The following RAB31 variants were observed in gnomAD, a reference collection of about 807,000 sequenced individuals.
The protein encoded by RAB31 is ras-related protein Rab-31.
RAB31 carries 21 observed loss-of-function variants against 25.6 expected under a neutral mutation model. The observed-to-expected ratio is 0.82, with a 90% confidence interval of 0.58 to 1.18. The LOEUF (loss-of-function observed/expected upper bound fraction) is 1.18. RAB31 is among the 50% of genes most tolerant of loss of function. The pLI is 0.00. For synonymous variants in RAB31, 87 were observed against 84.0 expected (o/e 1.04, Z -0.20); for missense variants, 196 against 250.1 (o/e 0.78, Z 1.46).
intron 3 of RAB31, among the ~76,000 whole-genome samples, chr18:9,811,125 C>T (rs1389852699): frequency 4.6e-5 from 7 of 152,296 alleles, no homozygotes; most frequent in Non-Finnish European, 7.4e-5. Context: ...GTCGCTGTCC[C>T]CAAGTGCGTT....
intron 2 of RAB31, among the ~76,000 whole-genome samples, chr18:9,789,193 A>G (rs898499793): frequency 6.6e-6 from 1 of 152,290 alleles, no homozygotes; most frequent in East Asian, 1.9e-4. Flanking sequence ...AGCTCATAGA[A>G]GTAGAGTAGA....
intron 3 of RAB31, among the ~76,000 whole-genome samples, chr18:9,813,156 A>G (rs2068583341): frequency 6.6e-6 from 1 of 152,200 alleles, no homozygotes; most frequent in Non-Finnish European, 1.5e-5. Flanking sequence ...ACATTTTGGA[A>G]TGGAGCTCCT....
At chr18:9,744,117 A>T (rs746533422) in intron 1 of RAB31, among the ~76,000 whole-genome samples, 2 of 152,062 alleles carry the variant, frequency 1.3e-5, no homozygotes, top group South Asian at 4.1e-4. Flanking sequence ...TTTATTTTCC[A>T]TGTCATAGTA....
At chr18:9,785,630 A>T (rs1230624204) in intron 2 of RAB31, among the ~76,000 whole-genome samples, 1 of 152,176 alleles carries the variant, frequency 6.6e-6, no homozygotes, top group Non-Finnish European at 1.5e-5. Flanking sequence ...ATCGCAGGTC[A>T]TTCCAGAGAG....
chr18:9,738,320 T>C (rs1476423036), intron 1 of RAB31, among the ~76,000 whole-genome samples: 1 of 152,050 alleles, frequency 6.6e-6, no homozygotes, highest in Non-Finnish European at 1.5e-5. Context: ...CCCAGGTAGC[T>C]TTAGGATGGG....
At chr18:9,843,894 C>T (rs1568194504) in intron 5 of RAB31, among the ~76,000 whole-genome samples, 1 of 152,150 alleles carries the variant, frequency 6.6e-6, no homozygotes, top group Non-Finnish European at 1.5e-5. Flanking sequence ...TGGTTTGAGT[C>T]CCATAGGAAT....
chr18:9,820,916 C>T (rs1034643527), intron 5 of RAB31, among the ~76,000 whole-genome samples: 1 of 151,826 alleles, frequency 6.6e-6, no homozygotes, highest in Non-Finnish European at 1.5e-5. Context: ...TTATTTCCTT[C>T]CTCCTGTTTA....
In RAB31 at chr18:9,708,404, A is replaced by G. The variant is rs377490784; in HGVS notation, c.-2A>G. On this transcript the variant is annotated 5_prime_UTR_variant, in exon 1 of 7. Coordinates refer to ENST00000578921, the MANE Select transcript of RAB31 (RefSeq NM_006868.4). This position sits in a 1 kb window ranked among gnomAD's most constrained non-coding sequence, Gnocchi z 6.4. ...GCCCCGGCACTGCCTGGCTGCGAGCACATGATGGCGATACGGGAGCTCAAA... is the reference window on the plus strand; with the variant it reads ...GCCCCGGCACTGCCTGGCTGCGAGCGCATGATGGCGATACGGGAGCTCAAA... The G allele has an allele frequency of 5.6e-5, 88 of 1,563,586 alleles. 1 individual carries two copies. In the Middle Eastern group the frequency reaches 1.5e-3, roughly 27 times the overall value.
chr18:9,839,969 A>G (rs1274552771), intron 5 of RAB31, among the ~76,000 whole-genome samples: 2 of 151,814 alleles, frequency 1.3e-5, no homozygotes, highest in Non-Finnish European at 2.9e-5. Context: ...CTCAGGAGGG[A>G]CTCCAGCTGG....
chr18:9,755,603 G>C (rs568050923), intron 1 of RAB31, among the ~76,000 whole-genome samples: 1 of 152,206 alleles, frequency 6.6e-6, no homozygotes, highest in Non-Finnish European at 1.5e-5. Context: ...AGCTCTTCTT[G>C]GGCTGGGGAA....
At chr18:9,812,699 T>A (rs975001634) in intron 3 of RAB31, among the ~76,000 whole-genome samples, 1 of 143,042 alleles carries the variant, frequency 7.0e-6, no homozygotes, top group African/African-American at 2.6e-5. Context: ...ATTTTTTTTT[T>A]TTTTTTTTTT....
intron 3 of RAB31, among the ~76,000 whole-genome samples, chr18:9,808,980 A>G (rs1238075175): frequency 1.4e-5 from 2 of 146,194 alleles, no homozygotes; most frequent in Non-Finnish European, 1.5e-5. Context: ...GAGGCAGAGT[A>G]GGTGTTCTAA....
intron 5 of RAB31, chr18:9,830,733 T>A (rs1246159019): frequency 1.3e-5 from 2 of 152,196 alleles, no homozygotes; most frequent in Non-Finnish European, 2.9e-5. Flanking sequence ...TTTTAAGAAA[T>A]CTTATTTTAA....
intron 5 of RAB31, among the ~76,000 whole-genome samples, chr18:9,819,887 T>G (rs1299997837): frequency 6.6e-6 from 1 of 152,080 alleles, no homozygotes; most frequent in Non-Finnish European, 1.5e-5. Flanking sequence ...GAAATGCAAT[T>G]GACTTTAGTA....
chr18:9,794,648 C>G (rs2068477719), intron 3 of RAB31, among the ~76,000 whole-genome samples: 1 of 152,064 alleles, frequency 6.6e-6, no homozygotes, highest in African/African-American at 2.4e-5. Context: ...AACCTTGTCT[C>G]TACTAAAAAT....
intron 2 of RAB31, among the ~76,000 whole-genome samples, chr18:9,778,925 A>C (rs1336573634): frequency 6.6e-6 from 1 of 152,256 alleles, no homozygotes; most frequent in Non-Finnish European, 1.5e-5. Context: ...ATAAAAGAAA[A>C]TATTACTAAG....
intron 2 of RAB31, among the ~76,000 whole-genome samples, chr18:9,779,231 ATG>A (rs1406899013): frequency 1.3e-5 from 2 of 151,892 alleles, no homozygotes; most frequent in African/African-American, 4.8e-5. Context: ...TTTAAAAATT[ATG>A]TCTTAGTTTT....
chr18:9,837,302 G>A (rs1447336321), intron 5 of RAB31, among the ~76,000 whole-genome samples: 1 of 151,406 alleles, frequency 6.6e-6, no homozygotes, highest in Non-Finnish European at 1.5e-5. Flanking sequence ...AATAAGAGAA[G>A]GAAAAATAAG....
chr18:9,752,394 T>G (rs907602386), intron 1 of RAB31, among the ~76,000 whole-genome samples: 1 of 152,022 alleles, frequency 6.6e-6, no homozygotes, highest in Non-Finnish European at 1.5e-5. Context: ...CCGGCTAAGT[T>G]TTGTATTTTT....
Sources: allele counts gnomAD v4.1 joint callset (sites outside exome capture counted in the v4.1 genomes callset), GRCh38; gene constraint gnomAD v4.1.1; non-coding constraint Gnocchi (gnomAD v3.1); transcripts MANE v1.5; gene names NCBI Gene and HGNC (gene_info 2026-07-23, HGNC 2026-07-21).